TBL1Y: variants seen among roughly 807,000 people sequenced by gnomAD.
TBL1Y encodes F-box-like/WD repeat-containing protein TBL1Y.
TBL1Y carries 15 observed loss-of-function variants against 12.0 expected under a neutral mutation model. That is an observed-to-expected ratio of 1.25 (90% CI 0.83 to 1.92). TBL1Y has a LOEUF of 1.92. Among genes scored for constraint, TBL1Y ranks in the 40% most tolerant of loss-of-function variants. The probability of loss-of-function intolerance (pLI) is 0.00; values close to 1 mark genes in which losing one functional copy is unlikely to be tolerated. For synonymous variants in TBL1Y, 53 were observed against 42.6 expected (o/e 1.24, Z -0.95); for missense variants, 148 against 116.7 (o/e 1.27, Z -1.24).
intron 8 of TBL1Y, among the ~76,000 whole-genome samples, chrY:7,064,498 G>A: frequency 3.0e-5 from 1 of 33,497 alleles, no homozygotes; most frequent in Non-Finnish European, 7.4e-5. Context: ...AGTGTTTTTG[G>A]CCAAATTGTG....
At chrY:7,056,941 GT>G (rs2012826793) in intron 7 of TBL1Y, among the ~76,000 whole-genome samples, 3 of 33,873 alleles carry the variant, frequency 8.9e-5, no homozygotes, top group Non-Finnish European at 2.2e-4. Flanking sequence ...GGGGAAGGGG[GT>G]TTTATCCCTG....
chrY:7,005,673 G>A, intron 4 of TBL1Y, among the ~76,000 whole-genome samples: 2 of 33,143 alleles, frequency 6.0e-5, no homozygotes, highest in South Asian at 6.8e-4. Flanking sequence ...ATTCCAAAAC[G>A]TAGCTTCCTA....
chrY:7,032,140 C>A (rs976676797), intron 6 of TBL1Y, among the ~76,000 whole-genome samples: 2 of 32,525 alleles, frequency 6.1e-5, no homozygotes, highest in African/African-American at 2.4e-4. Flanking sequence ...CATAGCAACA[C>A]CCTATCTCCA....
intron 2 of TBL1Y, chrY:6,918,965 A>C (rs547563105): frequency 1.0e-4 from 3 of 29,106 alleles, no homozygotes; most frequent in Non-Finnish European, 1.6e-4. Context: ...GCTGACTGCA[A>C]CCTTTACCTT....
chrY:7,028,075 G>T, intron 6 of TBL1Y, among the ~76,000 whole-genome samples: 1 of 33,667 alleles, frequency 3.0e-5, no homozygotes, highest in Non-Finnish European at 7.4e-5. Context: ...GTGCAGCTGG[G>T]CAGGGTTCCC....
At chrY:6,927,592 A>G in intron 2 of TBL1Y, among the ~76,000 whole-genome samples, 1 of 33,646 alleles carries the variant, frequency 3.0e-5, no homozygotes, top group Non-Finnish European at 7.3e-5. Context: ...TTGCTGGTGC[A>G]TGAGGAAATC....
At chrY:7,022,250 G>GTT (rs776834613) in intron 5 of TBL1Y, among the ~76,000 whole-genome samples, 19 of 27,822 alleles carry the variant, frequency 6.8e-4, no homozygotes, top group Non-Finnish European at 1.4e-3. Context: ...GGCATTTTTA[G>GTT]TTTTTTTTTT....
chrY:7,016,404 G>A (rs2012550820), intron 4 of TBL1Y, among the ~76,000 whole-genome samples: 1 of 32,321 alleles, frequency 3.1e-5, no homozygotes, highest in Admixed American at 2.9e-4. Flanking sequence ...CCAGAACACT[G>A]TAGTAAAATA....
intron 2 of TBL1Y, chrY:6,919,071 G>T: frequency 3.2e-5 from 1 of 31,535 alleles, no homozygotes; most frequent in African/African-American, 1.3e-4. Context: ...TTTTAGAAGA[G>T]ACGGGGTTTC....
intron 18 of TBL1Y, 41 bp from the exon 19 acceptor site, chrY:7,091,431 G>T (rs765250276): frequency 2.7e-6 from 1 of 369,246 alleles, no homozygotes; most frequent in Non-Finnish European, 3.8e-6. Context: ...GCATCTTTGG[G>T]TTATTTCTGA....
intron 2 of TBL1Y, among the ~76,000 whole-genome samples, chrY:6,914,145 G>A: frequency 3.0e-5 from 1 of 32,818 alleles, no homozygotes; most frequent in South Asian, 7.0e-4. Context: ...TGCCTGTAAT[G>A]TTAGCACTTT....
At chrY:7,002,565 G>A (rs184223476) in intron 4 of TBL1Y, among the ~76,000 whole-genome samples, 56 of 33,954 alleles carry the variant, frequency 1.6e-3, no homozygotes, top group African/African-American at 5.4e-3. Flanking sequence ...CTTGTAGGCC[G>A]TAATGTGGGA....
At chrY:6,958,770 A>T in intron 2 of TBL1Y, among the ~76,000 whole-genome samples, 2 of 33,979 alleles carry the variant, frequency 5.9e-5, no homozygotes, top group African/African-American at 1.1e-4. Context: ...TCAGCAGAGT[A>T]AAGAATAACA....
chrY:7,065,209 G>A, intron 8 of TBL1Y, among the ~76,000 whole-genome samples: 1 of 33,396 alleles, frequency 3.0e-5, no homozygotes, highest in Non-Finnish European at 7.4e-5. Flanking sequence ...AGGACCAGGT[G>A]TAGATAATTG....
chrY:7,090,919 T>C (rs2013171922), intron 18 of TBL1Y, among the ~76,000 whole-genome samples: 1 of 33,750 alleles, frequency 3.0e-5, no homozygotes, highest in Non-Finnish European at 7.3e-5. Flanking sequence ...ACTCCTACCA[T>C]GAACAGGGCA....
intron 6 of TBL1Y, among the ~76,000 whole-genome samples, chrY:7,026,168 C>T (rs2012623098): frequency 3.0e-5 from 1 of 33,693 alleles, no homozygotes; most frequent in Non-Finnish European, 7.3e-5. Context: ...TAAATAAGTG[C>T]CCTCCCCATC....
intron 2 of TBL1Y, chrY:6,919,448 T>C (rs373857701): frequency 3.0e-5 from 1 of 33,242 alleles, no homozygotes; most frequent in East Asian, 8.3e-4. Context: ...TCATGGCCTG[T>C]TAAATACAGT....
intron 8 of TBL1Y, among the ~76,000 whole-genome samples, chrY:7,064,395 G>T (rs1024093729): frequency 6.0e-5 from 2 of 33,092 alleles, no homozygotes; most frequent in Non-Finnish European, 1.5e-4. Flanking sequence ...GCCAGTCTGA[G>T]AACTCTCCTA....
chrY:7,086,551 A>G, intron 16 of TBL1Y, 134 bp downstream of exon 16: 2 of 162,653 alleles, frequency 1.2e-5, no homozygotes, highest in Non-Finnish European at 2.1e-5. Context: ...TGAAGGGGCC[A>G]AAACCATCCT....
Sources: gnomAD v4.1 joint callset for allele counts (sites outside exome capture counted in the v4.1 genomes callset) on GRCh38, gnomAD v4.1.1 for gene constraint, MANE v1.5 for transcripts, NCBI Gene and HGNC (gene_info 2026-07-23, HGNC 2026-07-21) for gene names.